The following PCDHA7 variants were observed in gnomAD, a reference collection of about 807,000 sequenced individuals.
PCDHA7 encodes the protein protocadherin alpha-7.
In PCDHA7, 37 loss-of-function variants were observed where a neutral mutation model predicts 57.2. The observed-to-expected ratio is 0.65, with a 90% CI of 0.50 to 0.85. The LOEUF (loss-of-function observed/expected upper bound fraction) is 0.85, where lower values mean the gene tolerates loss of function less well. Ranked by LOEUF, PCDHA7 falls within the 40% of genes least tolerant of loss-of-function variation. The pLI is 0.00. For missense variants in PCDHA7, 1,188 were observed against 1,241.8 expected, an observed-to-expected ratio of 0.96 and a Z score of 0.65; for synonymous variants, 553 against 558.8, an observed-to-expected ratio of 0.99 and a Z score of 0.15.
intron 1 of PCDHA7, among the ~76,000 whole-genome samples, chr5:140,895,090 T>A (rs2064836305): frequency 6.6e-6 from 1 of 152,190 alleles, no homozygotes; most frequent in Non-Finnish European, 1.5e-5. Flanking sequence ...CTCCTCAGTA[T>A]AGGGGTTTTT....
At chr5:140,960,841 T>C (rs1554225062) in intron 1 of PCDHA7, among the ~76,000 whole-genome samples, 1 of 152,222 alleles carries the variant, frequency 6.6e-6, no homozygotes, top group African/African-American at 2.4e-5. Context: ...GGAACAGGTT[T>C]AATGGCAACT....
In PCDHA7 at chr5:140,924,908, AAAT is replaced by A. The variant is rs1554202345; in HGVS notation, c.2356-54038_2356-54036del. ...AGAACCTGTCTCAAAAAAAAAAATA[AAAT>A]AAAATAAAATAAAATAAAATAAAAT... On this transcript the variant is annotated intron_variant, in intron 1 of 3. Coordinates refer to ENST00000525929, the MANE Select transcript of PCDHA7 (RefSeq NM_018910.3). Among the ~76,000 whole-genome samples the A allele has an allele frequency of 9.0e-4, 53 of 58,926 alleles. 1 individual carries two copies. The highest frequency in any genetic ancestry group is 2.8e-3 in the African/African-American group (51 of 18,360). The allele number at this position is 58,926 out of a possible 152,430, so 38.7% of individuals were successfully genotyped here. A position where few individuals can be genotyped will look rare whatever the true frequency, so the allele number is the denominator to read the frequency against.
chr5:140,970,927 G>A (rs1481513155), intron 1 of PCDHA7, among the ~76,000 whole-genome samples: 2 of 152,150 alleles, frequency 1.3e-5, no homozygotes, highest in African/African-American at 4.8e-5. Flanking sequence ...GAAGTGCCTG[G>A]TGTTAGTCAA....
chr5:140,961,464 C>G (rs1364555316), intron 1 of PCDHA7, among the ~76,000 whole-genome samples: 1 of 152,126 alleles, frequency 6.6e-6, no homozygotes, highest in Non-Finnish European at 1.5e-5. Flanking sequence ...AGCTGCCTTT[C>G]TTTTTTTGTC....
At chr5:140,857,310 A>T in intron 1 of PCDHA7, 1 of 1,598,608 alleles carries the variant, frequency 6.3e-7, no homozygotes, top group Non-Finnish European at 8.6e-7. Flanking sequence ...TCGGCCTATG[A>T]GCTGGTGGTG....
At chr5:140,991,356 T>C (rs574243681) in intron 3 of PCDHA7, among the ~76,000 whole-genome samples, 2 of 152,366 alleles carry the variant, frequency 1.3e-5, no homozygotes, top group Non-Finnish European at 2.9e-5. Flanking sequence ...AAAAGACTAT[T>C]TACTGTCTGA....
At chr5:140,841,405 C>A (rs2150314710) in intron 1 of PCDHA7, 18 of 1,613,112 alleles carry the variant, frequency 1.1e-5, no homozygotes, top group South Asian at 4.4e-5. Flanking sequence ...AGGTGGGGAG[C>A]GGCCAGCTCC....
Position 140,928,606 on chromosome 5 carries a change from C to T in PCDHA7, c.2356-50343C>T, listed in dbSNP as rs782809256. ...TTCTGTCCCAGTGGAAATTGTGCCC[C>T]GCTCTGCCAGGACTGGACACTTGGT... On this transcript the variant is annotated intron_variant, in intron 1 of 3. Coordinates refer to ENST00000525929, the MANE Select transcript of PCDHA7 (RefSeq NM_018910.3). 7.4e-6 allele frequency: 12 copies of T among 1,614,204 alleles called. No homozygotes were observed. In the South Asian group the frequency reaches 1.2e-4, roughly 16 times the overall value.
chr5:140,939,175 C>A (rs2092330886), intron 1 of PCDHA7, among the ~76,000 whole-genome samples: 1 of 152,010 alleles, frequency 6.6e-6, no homozygotes, highest in African/African-American at 2.4e-5. Context: ...TGGTAATGGC[C>A]CACTCCCTGG....
intron 2 of PCDHA7, among the ~76,000 whole-genome samples, chr5:140,982,130 G>A (rs1298475758): frequency 6.6e-6 from 1 of 152,228 alleles, no homozygotes; most frequent in African/African-American, 2.4e-5. Context: ...TTGAGAACAA[G>A]CCCTCCTCAT....
chr5:140,854,238 G>A (rs2043048996), intron 1 of PCDHA7: 1 of 636,222 alleles, frequency 1.6e-6, no homozygotes, highest in Non-Finnish European at 2.0e-6. Flanking sequence ...GGATATTTAT[G>A]TTATCACTTG....
chr5:140,842,746 C>T, intron 1 of PCDHA7: 1 of 1,595,086 alleles, frequency 6.3e-7, no homozygotes, highest in South Asian at 1.1e-5. Flanking sequence ...GCCACATCTT[C>T]ACGGTGTCTG....
chr5:140,949,550 G>A (rs1195934854), intron 1 of PCDHA7, among the ~76,000 whole-genome samples: 11 of 151,608 alleles, frequency 7.3e-5, no homozygotes, highest in Admixed American at 7.2e-4. Flanking sequence ...TTTGTTGCTG[G>A]TCATACTTTT....
intron 1 of PCDHA7, among the ~76,000 whole-genome samples, chr5:140,908,078 A>T (rs1047293736): frequency 6.6e-6 from 1 of 152,202 alleles, no homozygotes; most frequent in Non-Finnish European, 1.5e-5. Context: ...AAAGTGCACA[A>T]CCAGGTGCAC....
chr5:140,870,286 A>C, intron 1 of PCDHA7: 1 of 1,614,124 alleles, frequency 6.2e-7, no homozygotes, highest in Non-Finnish European at 8.5e-7. Context: ...CGTTCCCTTC[A>C]AGCTGGTGTC....
At chr5:140,892,260 T>C (rs2063449120) in intron 1 of PCDHA7, among the ~76,000 whole-genome samples, 1 of 152,218 alleles carries the variant, frequency 6.6e-6, no homozygotes, top group East Asian at 1.9e-4. Flanking sequence ...TCTTTGATTT[T>C]GTGCTGAAAG....
chr5:140,860,413 C>T (rs2046383451), intron 1 of PCDHA7: 1 of 152,018 alleles, frequency 6.6e-6, no homozygotes, highest in African/African-American at 2.4e-5. Context: ...AATAGTAACA[C>T]CATTATCCTG....
chr5:140,892,461 G>A lies in PCDHA7; in HGVS notation c.2355+55723G>A, dbSNP rs187904355. On this transcript the variant is annotated intron_variant, in intron 1 of 3. Coordinates refer to ENST00000525929, the MANE Select transcript of PCDHA7 (RefSeq NM_018910.3). ...AAATTTACATGTATTCTTTAAGTAC[G>A]GTTATTCAGTTTCCTAGCCAAACAT... 2.1e-3 allele frequency among the ~76,000 whole-genome samples: 317 copies of A among 152,150 alleles called. 1 individual carries two copies. Among genetic ancestry groups the A allele is most frequent in the Non-Finnish European group, 3.5e-3 (237 of 68,004 alleles).
At chr5:140,888,994 T>G (rs1486471421) in intron 1 of PCDHA7, among the ~76,000 whole-genome samples, 1 of 152,272 alleles carries the variant, frequency 6.6e-6, no homozygotes, top group African/African-American at 2.4e-5. Context: ...TATGATTTTC[T>G]TATGGCAAAC....
Sources: allele counts gnomAD v4.1 joint callset (sites outside exome capture counted in the v4.1 genomes callset), GRCh38; gene constraint gnomAD v4.1.1; transcripts MANE v1.5; gene names NCBI Gene and HGNC (gene_info 2026-07-23, HGNC 2026-07-21).